Variants in MINK1 observed in about 807,000 individuals in gnomAD.
MINK1 encodes misshapen-like kinase 1.
MINK1 carries 46 observed loss-of-function variants against 178.4 expected under a neutral mutation model. The ratio of observed to expected loss-of-function variants is 0.26; its 90% CI spans 0.20 to 0.33. The LOEUF (loss-of-function observed/expected upper bound fraction) is 0.33, where lower values mean the gene tolerates loss of function less well. MINK1 is among the 10% of genes least tolerant of loss of function. The pLI, the probability that MINK1 is intolerant of heterozygous loss-of-function variation, is 1.00. For synonymous variants in MINK1, 797 were observed against 709.7 expected, an observed-to-expected ratio of 1.12 and a Z score of -1.96; for missense variants, 1,366 against 1,814.9, an observed-to-expected ratio of 0.75 and a Z score of 4.49.
At chr17:4,837,048 A>G (rs1285549026) in intron 1 of MINK1, among the ~76,000 whole-genome samples, 1 of 152,116 alleles carries the variant, frequency 6.6e-6, no homozygotes, top group Non-Finnish European at 1.5e-5. Context: ...TTAGCCAGGC[A>G]TGGTGGCGCA....
chr17:4,893,848 G>A, intron 21 of MINK1, 140 bp from the exon 22 acceptor site: 1 of 864,448 alleles, frequency 1.2e-6, no homozygotes, highest in African/African-American at 1.7e-5. Flanking sequence ...TCACGGTGGA[G>A]CAGGGGCTAC....
intron 2 of MINK1, among the ~76,000 whole-genome samples, chr17:4,878,957 C>G (rs1033629165): frequency 2.6e-5 from 4 of 152,256 alleles, no homozygotes; most frequent in African/African-American, 9.6e-5. Flanking sequence ...CCTGACCACA[C>G]TGCTCACACT....
intron 1 of MINK1, among the ~76,000 whole-genome samples, chr17:4,845,936 G>A (rs1910956111): frequency 6.6e-6 from 1 of 152,184 alleles, no homozygotes; most frequent in South Asian, 2.1e-4. Flanking sequence ...GCCACCGCAT[G>A]TGGCTGAGTT....
intron 1 of MINK1, chr17:4,851,056 CT>C (rs1248122264): frequency 4.4e-6 from 2 of 458,530 alleles, no homozygotes; most frequent in East Asian, 1.4e-4. Context: ...ACCTGCCTTC[CT>C]CTCAATTCTA....
chr17:4,880,771 A>T (rs1159082800), intron 2 of MINK1, among the ~76,000 whole-genome samples: 1 of 151,802 alleles, frequency 6.6e-6, no homozygotes, highest in East Asian at 2.0e-4. Flanking sequence ...GAGGTGGTGG[A>T]TGCCTGTAGT....
At position 4,895,279 on chromosome 17, in the gene MINK1, G is replaced by A. The variant is rs192876982; in HGVS notation, c.3085+37G>A. 938 of 1,611,674 alleles carry A rather than the reference G, an allele frequency of 5.8e-4. 9 individuals are homozygous for A. In the East Asian group the frequency reaches 0.02, roughly 34 times the overall value. ...CAGGGACAGCTGAGGAGGCTCTGGC[G>A]TGGCTCTTGTGCTCCTGGTTAGGTG... On this transcript the variant is annotated intron_variant, in intron 25 of 31. Coordinates refer to ENST00000355280, the MANE Select transcript of MINK1 (RefSeq NM_153827.5). The surrounding 1 kb of genome is among the most constrained non-coding windows in gnomAD (Gnocchi z 4.3).
At position 4,893,541 on chromosome 17, in the gene MINK1, C is replaced by T. The variant is rs750069696; in HGVS notation, c.2508C>T (p.Asp836=). 10 of 1,594,078 alleles carry T rather than the reference C, an allele frequency of 6.3e-6. No individual in the cohort carries two copies. The highest frequency in any genetic ancestry group is 8.6e-6 in the Non-Finnish European group (10 of 1,165,442). The change falls in exon 21 of 32, where the codon GAC becomes GAT. Residue 836 remains aspartate (D), a synonymous_variant. Coordinates refer to ENST00000355280, the MANE Select transcript of MINK1 (RefSeq NM_153827.5). ...AGGAGGTGGAAAGCAGTGAGGACGA[C>T]GAGGAGGAAGGCGAAGGCGGGCCAG... ...SSEEVESSED[D]EEEGEGGPAE... is the part of the protein sequence containing the mutation.
chr17:4,889,561 A>G, intron 12 of MINK1, 86 bp from the exon 13 acceptor site: 1 of 1,140,690 alleles, frequency 8.8e-7, no homozygotes, highest in Non-Finnish European at 1.3e-6. Context: ...GTGGTGAGCA[A>G]GGAGGGCTCC....
At chr17:4,870,676 T>G (rs1915753477) in intron 1 of MINK1, among the ~76,000 whole-genome samples, 1 of 151,792 alleles carries the variant, frequency 6.6e-6, no homozygotes, top group Non-Finnish European at 1.5e-5. Context: ...AATATAAAAA[T>G]TAGCCAGGTG....
At chr17:4,843,072 G>C (rs1470857793) in intron 1 of MINK1, among the ~76,000 whole-genome samples, 1 of 152,170 alleles carries the variant, frequency 6.6e-6, no homozygotes, top group African/African-American at 2.4e-5. Context: ...CTAAGGTTTG[G>C]AGGAGGTGGA....
rs1909307563 is a variant in MINK1, at chr17:4,836,345, C to A, written c.57+2705C>A. On this transcript the variant is annotated intron_variant, in intron 1 of 31. Transcript: ENST00000355280. The surrounding 1 kb of genome is among the most constrained non-coding windows in gnomAD (Gnocchi z 4.3). ...TTAGGGAAGATTGAATTGCGTTAAT[C>A]TCTTAGCCATGTGTGGGGAGGCCAG... Among the ~76,000 whole-genome samples the A allele has an allele frequency of 6.6e-6, 1 of 152,316 alleles. No individual in the cohort carries two copies.
Position 4,890,743 on chromosome 17 carries a change from C to A in MINK1, c.1566+8C>A. ...CCAGCCTGGGCCCGAGAGGTACTCACTGCCTCCTTTGCCTCCTGAGACTGC... is the reference window on the plus strand; with the variant it reads ...CCAGCCTGGGCCCGAGAGGTACTCAATGCCTCCTTTGCCTCCTGAGACTGC... On this transcript the variant is annotated splice_region_variant and intron_variant, in intron 14 of 31. Transcript: ENST00000355280. The A allele has an allele frequency of 1.9e-6, 3 of 1,542,958 alleles. No homozygotes were observed. Among genetic ancestry groups the A allele is most frequent in the Non-Finnish European group, 2.6e-6 (3 of 1,141,352 alleles).
At chr17:4,835,866 T>A (rs9900036) in intron 1 of MINK1, among the ~76,000 whole-genome samples, 1 of 151,858 alleles carries the variant, frequency 6.6e-6, no homozygotes, top group Admixed American at 6.6e-5. Flanking sequence ...AGCCTTACTC[T>A]CCTCTCCCCT....
At chr17:4,854,838 A>C in intron 1 of MINK1, 1 of 467,222 alleles carries the variant, frequency 2.1e-6, no homozygotes. Context: ...TGTGAGAGGC[A>C]GGGTTAGCAG....
chr17:4,864,725 C>CA lies in MINK1; in HGVS notation c.58-13584dup, dbSNP rs202062349. Among the ~76,000 whole-genome samples the CA allele has an allele frequency of 3.3e-3, 503 of 151,650 alleles. 2 individuals carry two copies. Among genetic ancestry groups the CA allele is most frequent in the African/African-American group, 0.012 (476 of 41,318 alleles). On this transcript the variant is annotated intron_variant, in intron 1 of 31. Coordinates refer to ENST00000355280, the MANE Select transcript of MINK1 (RefSeq NM_153827.5). The stretch of plus-strand genomic sequence containing the variant: ...AGGCGACAAGAGTGAGACTCCATCT[C>CA]AAAAAAAAGAGCTATGGGGAGAGTG...
Position 4,881,071 on chromosome 17 carries a change from C to T in MINK1, c.180+31C>T, listed in dbSNP as rs1469501174. 27 of 1,534,384 alleles carry T rather than the reference C, an allele frequency of 1.8e-5. No individual in the cohort carries two copies. The Middle Eastern group carries it at 5.0e-4, about 29-fold the overall frequency. ...GAGTGGAGCTGGGCAGTGGGAGGGT[C>T]GGACCAGCGAGAAGGGAGTGTTGGG... On this transcript the variant is annotated intron_variant, in intron 3 of 31. Coordinates refer to ENST00000355280, the MANE Select transcript of MINK1 (RefSeq NM_153827.5).
rs1238349945 is a variant in MINK1, at chr17:4,893,207, G to T, written c.2400+140G>T. On this transcript the variant is annotated intron_variant, in intron 20 of 31. Coordinates refer to ENST00000355280, the MANE Select transcript of MINK1 (RefSeq NM_153827.5). ...TGGAGGGACTGGTGCTTCTCATGGT[G>T]CTAACCTTTCCTAACCTCTCTCCTA... 2,036 of 1,572,800 alleles carry T rather than the reference G, an allele frequency of 1.3e-3. 4 individuals are homozygous for T. Among genetic ancestry groups the T allele is most frequent in the Non-Finnish European group, 1.2e-3 (1,378 of 1,149,832 alleles).
At position 4,896,751 on chromosome 17, in the gene MINK1, G is replaced by C; in HGVS notation, c.3853G>C (p.Asp1285His). The C allele has an allele frequency of 6.2e-7, 1 of 1,601,048 alleles. No individual in the cohort carries two copies. Among genetic ancestry groups the C allele is most frequent in the Non-Finnish European group, 8.5e-7 (1 of 1,172,898 alleles). The change falls in exon 31 of 32, where the codon GAC (aspartate) becomes CAC (histidine). Residue 1285 changes from aspartate (D) to histidine (H), a missense_variant. Coordinates refer to ENST00000355280, the MANE Select transcript of MINK1 (RefSeq NM_153827.5). The surrounding 1 kb of genome is among the most constrained non-coding windows in gnomAD (Gnocchi z 4.6). ...EIRSVETGHL[D>H]GVFMHKRAQR... ...CCGCTCTGTGGAGACGGGCCACCTC[G>C]ACGGGGTCTTCATGCACAAACGAGC... is the stretch of plus-strand genomic sequence containing the variant.
chr17:4,880,273 A>T (rs1235322829), intron 2 of MINK1, among the ~76,000 whole-genome samples: 3 of 151,114 alleles, frequency 2.0e-5, no homozygotes, highest in Non-Finnish European at 4.4e-5. Context: ...TGTAGCCACA[A>T]TGAGGGGTAC....
Sources: gnomAD v4.1 joint callset for allele counts (sites outside exome capture counted in the v4.1 genomes callset) on GRCh38, gnomAD v4.1.1 for gene constraint, Gnocchi (gnomAD v3.1) non-coding constraint, MANE v1.5 for transcripts, NCBI Gene and HGNC (gene_info 2026-07-23, HGNC 2026-07-21) for gene names.